The following LRR1 variants were observed in gnomAD, a reference collection of about 807,000 sequenced individuals.
The protein encoded by LRR1 is leucine-rich repeat protein 1.
LRR1 carries 29 observed loss-of-function variants against 31.6 expected under a neutral mutation model. The observed-to-expected ratio is 0.92, with a 90% CI of 0.68 to 1.25. The LOEUF (loss-of-function observed/expected upper bound fraction) is 1.25, where lower values mean the gene tolerates loss of function less well. LRR1 is among the 50% of genes most tolerant of loss of function. LRR1 has a pLI of 0.00. For missense variants in LRR1, 485 were observed against 487.2 expected (o/e 1.00, Z 0.04); for synonymous variants, 179 against 181.4 (o/e 0.99, Z 0.10).
At chr14:49,604,441 T>G (rs1882209470) in intron 2 of LRR1, among the ~76,000 whole-genome samples, 1 of 152,184 alleles carries the variant, frequency 6.6e-6, no homozygotes, top group African/African-American at 2.4e-5. Flanking sequence ...GGCTCACGCC[T>G]ATGATCCCAG....
intron 3 of LRR1, among the ~76,000 whole-genome samples, chr14:49,611,784 G>A (rs1882520541): frequency 6.6e-6 from 1 of 151,904 alleles, no homozygotes; most frequent in Non-Finnish European, 1.5e-5. Flanking sequence ...TTAACAGGGT[G>A]TCGTGGCGGG....
chr14:49,612,634 G>T, intron 3 of LRR1: 1 of 1,041,726 alleles, frequency 9.6e-7, no homozygotes, highest in South Asian at 3.0e-5. Flanking sequence ...GGTAACCGCT[G>T]TTTTTTTATT....
chr14:49,612,398 G>A, intron 3 of LRR1: 1 of 1,069,798 alleles, frequency 9.3e-7, no homozygotes, highest in Non-Finnish European at 1.2e-6. Context: ...GATCTATTAG[G>A]AAAATATGTG....
intron 3 of LRR1, among the ~76,000 whole-genome samples, chr14:49,611,686 G>A (rs557732590): frequency 1.8e-4 from 27 of 152,218 alleles, no homozygotes; most frequent in Non-Finnish European, 3.2e-4. Flanking sequence ...ACTTTGGGAG[G>A]TCGAGGTGGG....
At position 49,614,562 on chromosome 14, in the gene LRR1, C is replaced by T. The variant is rs778350697; in HGVS notation, c.*66C>T. On this transcript the variant is annotated 3_prime_UTR_variant, in exon 4 of 4. Coordinates refer to ENST00000298288, the MANE Select transcript of LRR1 (RefSeq NM_152329.4). ...TTGGGGTGCATGTATGATTTTGCAG[C>T]GTCAAATTGGAGTAAGGGAAGATTT... 43 of 1,597,924 alleles carry T rather than the reference C, an allele frequency of 2.7e-5. No individual in the cohort carries two copies. The highest frequency in any genetic ancestry group is 2.3e-4 in the South Asian group (21 of 90,166).
intron 2 of LRR1, among the ~76,000 whole-genome samples, chr14:49,604,461 A>T (rs746450146): frequency 1.3e-5 from 2 of 152,186 alleles, no homozygotes; most frequent in Non-Finnish European, 2.9e-5. Context: ...GCACTTTGGG[A>T]GCCCTAGTTG....
chr14:49,613,676 C>T (rs778786301), intron 3 of LRR1, among the ~76,000 whole-genome samples: 7 of 145,306 alleles, frequency 4.8e-5, no homozygotes, highest in South Asian at 2.2e-4. Context: ...ATTATCTGGG[C>T]GTGGTGGTAG....
At chr14:49,600,583 A>G (rs1882017796) in intron 1 of LRR1, 5 of 1,570,644 alleles carry the variant, frequency 3.2e-6, no homozygotes, top group Non-Finnish European at 3.5e-6. Context: ...GAATAGGATC[A>G]AGATGTATAA....
intron 3 of LRR1, among the ~76,000 whole-genome samples, chr14:49,611,821 G>A (rs1882522075): frequency 1.3e-5 from 2 of 151,870 alleles, no homozygotes; most frequent in Non-Finnish European, 2.9e-5. Flanking sequence ...TACTGGGGAG[G>A]CTGAGGCAGG....
At chr14:49,600,785 A>G in intron 1 of LRR1, 1 of 843,426 alleles carries the variant, frequency 1.2e-6, no homozygotes, top group Non-Finnish European at 1.8e-6. Context: ...TAAAGATTTA[A>G]GAAGCAGTAA....
chr14:49,600,789 G>C, intron 1 of LRR1: 1 of 811,688 alleles, frequency 1.2e-6, no homozygotes, highest in East Asian at 2.7e-5. Flanking sequence ...GATTTAAGAA[G>C]CAGTAAGCAG....
chr14:49,603,029 G>A (rs1882128010), intron 2 of LRR1, among the ~76,000 whole-genome samples: 1 of 148,384 alleles, frequency 6.7e-6, no homozygotes, highest in Admixed American at 6.7e-5. Flanking sequence ...ATCTTTAGTA[G>A]AGACAGGGTT....
rs182651729 is a variant in LRR1, at chr14:49,601,583, C to G, written c.184-787C>G. On this transcript the variant is annotated intron_variant, in intron 1 of 3. Coordinates refer to ENST00000298288, the MANE Select transcript of LRR1 (RefSeq NM_152329.4). ...GCAAAGGAGACAAGATTCCTGCTCTCATGGAGTTTGTATATAACCTACTGG... is the reference window on the plus strand; with the variant it reads ...GCAAAGGAGACAAGATTCCTGCTCTGATGGAGTTTGTATATAACCTACTGG... 259 of 1,274,414 alleles carry G rather than the reference C, an allele frequency of 2.0e-4. 1 individual carries two copies. The African/African-American group carries it at 3.7e-3, about 18-fold the overall frequency. The allele number at this position is 1,274,414 out of a possible 1,614,324, so 78.9% of individuals were successfully genotyped here.
intron 1 of LRR1, 57 bp from the exon 2 acceptor site, chr14:49,602,313 A>G: frequency 7.0e-7 from 1 of 1,430,680 alleles, no homozygotes; most frequent in Non-Finnish European, 9.8e-7. Flanking sequence ...GTTGTAATAA[A>G]TGTTACTGAG....
chr14:49,604,241 G>A (rs571764196), intron 2 of LRR1, among the ~76,000 whole-genome samples: 1 of 152,070 alleles, frequency 6.6e-6, no homozygotes, highest in African/African-American at 2.4e-5. Flanking sequence ...GGAGGTGCAG[G>A]TTACAATGAG....
At chr14:49,606,009 A>T (rs1233421491) in intron 2 of LRR1, among the ~76,000 whole-genome samples, 3 of 150,998 alleles carry the variant, frequency 2.0e-5, no homozygotes, top group Non-Finnish European at 4.4e-5. Flanking sequence ...CCATGTTCCA[A>T]CAAAAATTAG....
chr14:49,606,283 T>C (rs1345401558), intron 2 of LRR1, among the ~76,000 whole-genome samples: 1 of 152,126 alleles, frequency 6.6e-6, no homozygotes, highest in Admixed American at 6.6e-5. Flanking sequence ...CACCTTGGCC[T>C]CCCAAAGTGC....
At chr14:49,609,838 C>G (rs1385968376) in intron 3 of LRR1, among the ~76,000 whole-genome samples, 1 of 152,116 alleles carries the variant, frequency 6.6e-6, no homozygotes, top group Non-Finnish European at 1.5e-5. Flanking sequence ...TTCCGAGTAG[C>G]TGGGATTACA....
intron 3 of LRR1, chr14:49,612,702 G>T (rs946671039): frequency 1.1e-6 from 1 of 910,896 alleles, no homozygotes; most frequent in Non-Finnish European, 1.4e-6. Context: ...ATTTTAAGTT[G>T]TAAGACTAGG....
Sources: gnomAD v4.1 joint callset for allele counts (sites outside exome capture counted in the v4.1 genomes callset) on GRCh38, gnomAD v4.1.1 for gene constraint, MANE v1.5 for transcripts, NCBI Gene and HGNC (gene_info 2026-07-23, HGNC 2026-07-21) for gene names.